The following UPK3B variants were observed in gnomAD, a reference collection of about 807,000 sequenced individuals.
The protein encoded by UPK3B is uroplakin 3B.
A neutral mutation model predicts 27.6 loss-of-function variants in UPK3B; 21 were observed. That is an observed-to-expected ratio of 0.76 (90% confidence interval 0.54 to 1.10). UPK3B has a LOEUF of 1.10. UPK3B is among the 50% of genes least tolerant of loss of function. The pLI is 0.00. For synonymous variants in UPK3B, 141 were observed against 162.3 expected, an observed-to-expected ratio of 0.87 and a Z score of 1.00; for missense variants, 306 against 376.1, an observed-to-expected ratio of 0.81 and a Z score of 1.54.
Position 76,513,185 on chromosome 7 carries a change from G to A in UPK3B, c.541+22G>A, listed in dbSNP as rs183051772. On this transcript the variant is annotated intron_variant, in intron 4 of 5. Coordinates refer to ENST00000334348, the MANE Select transcript of UPK3B (RefSeq NM_001347684.2). ...CAAGGTAGCGCTGGGCAGGAGGGGC[G>A]CTGCCCCCAGTGGACTCACGATCTC... 257 of 1,605,066 alleles carry A rather than the reference G, an allele frequency of 1.6e-4. 1 individual carries two copies. The African/African-American group carries it at 2.6e-3, about 17-fold the overall frequency.
rs1255079550 is a variant in UPK3B at position 76,510,602 on chromosome 7, G to T, written c.-51G>T. On this transcript the variant is annotated 5_prime_UTR_variant, in exon 1 of 6. Coordinates refer to ENST00000334348, the MANE Select transcript of UPK3B (RefSeq NM_001347684.2). ...GCCAAGCTGTTGGGGGTGAGGTGCA[G>T]CCCGAAGCAGCCAGACCAGCCCCTG... The T allele has an allele frequency of 7.1e-7, 1 of 1,405,156 alleles. No homozygotes were observed. The highest frequency in any genetic ancestry group is 9.3e-7 in the Non-Finnish European group (1 of 1,072,004). 87.0% of individuals were successfully genotyped at this position (1,405,156 alleles called of 1,614,324 possible).
intron 4 of UPK3B, among the ~76,000 whole-genome samples, chr7:76,513,533 AG>A (rs35172014): frequency 5.9e-5 from 9 of 151,918 alleles, no homozygotes; most frequent in Non-Finnish European, 1.3e-4. Flanking sequence ...GCAGACCCCA[AG>A]GGGCAAGCGT....
chr7:76,511,651 C>T lies in UPK3B; in HGVS notation c.236-6C>T, dbSNP rs772720268. 4.4e-6 allele frequency: 7 copies of T among 1,581,302 alleles called. No homozygotes were observed. Among genetic ancestry groups the T allele is most frequent in the Non-Finnish European group, 5.2e-6 (6 of 1,163,670 alleles). On this transcript the variant is annotated splice_region_variant and splice_polypyrimidine_tract_variant and intron_variant, in intron 2 of 5. Transcript: ENST00000334348. ...TCCCACCTCCATCTGTTCTCTCCTC[C>T]TGCAGCCTCCAGGGGCTTCCAGAAC...
chr7:76,515,041 C>G lies in UPK3B; in HGVS notation c.672-4C>G. 2.5e-6 allele frequency: 4 copies of G among 1,570,894 alleles called. No individual in the cohort carries two copies. Among genetic ancestry groups the G allele is most frequent in the Non-Finnish European group, 3.5e-6 (4 of 1,158,580 alleles). On this transcript the variant is annotated splice_region_variant and splice_polypyrimidine_tract_variant and intron_variant, in intron 5 of 5. Coordinates refer to ENST00000334348, the MANE Select transcript of UPK3B (RefSeq NM_001347684.2). Reference sequence around the variant, plus strand: ...TGTCTCTTCCTCCTCCTCTCCCCGCCCAGCTCCAGCCTGTGGTGGCCGGAG... The same window carrying G: ...TGTCTCTTCCTCCTCCTCTCCCCGCGCAGCTCCAGCCTGTGGTGGCCGGAG...
chr7:76,515,105 C>T lies in UPK3B; in HGVS notation c.732C>T (p.Gly244=), dbSNP rs754509656. The change falls in exon 6 of 6, where the codon GGC becomes GGT. Residue 244 remains glycine, a synonymous_variant. Transcript: ENST00000334348. ...PEQLRIGSFM[G]KRYMTHHIPP... ...AGCTGCGGATCGGCTCCTTCATGGGCAAGCGCTACATGACCCACCACATCC... is the reference window on the plus strand; with the variant it reads ...AGCTGCGGATCGGCTCCTTCATGGGTAAGCGCTACATGACCCACCACATCC... 1.7e-5 allele frequency: 27 copies of T among 1,601,346 alleles called. No homozygotes were observed. The highest frequency in any genetic ancestry group is 2.0e-5 in the Non-Finnish European group (24 of 1,175,232).
intron 3 of UPK3B, 134 bp from the exon 4 acceptor site, chr7:76,512,947 GGCT>G: frequency 2.9e-6 from 2 of 683,520 alleles, no homozygotes; most frequent in South Asian, 3.6e-5. Flanking sequence ...CCAGGCCATG[GGCT>G]GCTGCTCTTG....
chr7:76,513,057 T>G lies in UPK3B; in HGVS notation c.462-27T>G, dbSNP rs373067553. 8 of 1,598,718 alleles carry G rather than the reference T, an allele frequency of 5.0e-6. No individual in the cohort carries two copies. In the African/African-American group the frequency reaches 1.1e-4, roughly 21 times the overall value. ...GGTCCCAGCCTCTGAAGCTCTCCCC[T>G]CCTCCCCCACCACCTCCCATCCCCA... On this transcript the variant is annotated intron_variant, in intron 3 of 5. Transcript: ENST00000334348.
chr7:76,514,109 C>T (rs1468654614), intron 5 of UPK3B, 33 bp downstream of exon 5: 2 of 1,613,730 alleles, frequency 1.2e-6, no homozygotes, highest in Non-Finnish European at 1.7e-6. Context: ...GCCCCTCTCC[C>T]ACCCAGAACC....
At chr7:76,513,261 G>A (rs1812598799) in intron 4 of UPK3B, 98 bp downstream of exon 4, 5 of 1,195,438 alleles carry the variant, frequency 4.2e-6, no homozygotes, top group Non-Finnish European at 6.0e-6. Context: ...ACAGGGCTGG[G>A]GGCCTGGAGG....
chr7:76,513,818 G>T (rs144403053), intron 4 of UPK3B, 129 bp from the exon 5 acceptor site: 1 of 1,402,496 alleles, frequency 7.1e-7, no homozygotes, highest in Non-Finnish European at 9.8e-7. Context: ...GATCAGGGGG[G>T]CGCCTGGGGA....
chr7:76,512,700 T>C (rs1309888000), intron 3 of UPK3B, among the ~76,000 whole-genome samples: 1 of 130,836 alleles, frequency 7.6e-6, no homozygotes, highest in African/African-American at 2.6e-5. Flanking sequence ...CTGCTGGTGA[T>C]TGAGCCCCCT....
Position 76,510,661 on chromosome 7 carries a change from A to G in UPK3B, c.9A>G (p.Leu3=), listed in dbSNP as rs1812482861. ...GGGTGCTGGCAGCTGTCATGGGGCT[A>G]CCCTGGGGGCAGCCTCACCTAGGGC... MG[L]PWGQPHLGLQ... The change falls in exon 1 of 6, where the codon CTA becomes CTG. Residue 3 remains leucine, a synonymous_variant. Transcript: ENST00000334348. The G allele has an allele frequency of 6.7e-7, 1 of 1,488,574 alleles. No homozygotes were observed. The highest frequency in any genetic ancestry group is 9.0e-7 in the Non-Finnish European group (1 of 1,115,802). 92.2% of individuals were successfully genotyped at this position (1,488,574 alleles called of 1,614,324 possible).
At position 76,515,190 on chromosome 7, in the gene UPK3B, A is replaced by C. The variant is rs1279190957; in HGVS notation, c.817A>C (p.Ser273Arg). Residue 273 changes from serine (S) to arginine (R), a missense_variant, in exon 6 of 6, where the codon AGC becomes CGC. By Grantham distance (110) the Ser-to-Arg change is moderately radical. Around this residue, in one of 4 missense-constraint regions of UPK3B, gnomAD observed 174 missense variants for 166.6 expected, o/e 1.04. Transcript: ENST00000334348. Reference protein sequence around the residue: ...GCKPGLDPLPSLSP With the variant: ...GCKPGLDPLPRLSP ...CAAGCCTGGCCTGGACCCCCTCCCC[A>C]GCCTCAGCCCCTAGCCTGGCCTCTT... The C allele has an allele frequency of 1.3e-6, 2 of 1,593,528 alleles. No individual in the cohort carries two copies.
chr7:76,510,759 A>G, intron 1 of UPK3B, 22 bp downstream of exon 1: 1 of 1,546,876 alleles, frequency 6.5e-7, no homozygotes, highest in Non-Finnish European at 8.7e-7. Flanking sequence ...TCCTGGATGG[A>G]CGCGTCCAGC....
At chr7:76,511,470 A>T (rs1812528966) in intron 2 of UPK3B, 187 bp from the exon 3 acceptor site, 2 of 742,878 alleles carry the variant, frequency 2.7e-6, no homozygotes, top group South Asian at 3.8e-5. Flanking sequence ...GGTGGGGACA[A>T]AAGGCCAGAG....
intron 4 of UPK3B, 74 bp from the exon 5 acceptor site, chr7:76,513,873 G>A: frequency 6.2e-7 from 1 of 1,600,158 alleles, no homozygotes; most frequent in Non-Finnish European, 8.5e-7. Context: ...TGGGTGGGGA[G>A]GGAGCGAGGG....
intron 4 of UPK3B, 92 bp from the exon 5 acceptor site, chr7:76,513,855 G>C: frequency 6.3e-7 from 1 of 1,584,092 alleles, no homozygotes. Flanking sequence ...CTTGAAGCTA[G>C]GCCAGCGTGG....
At position 76,513,072 on chromosome 7, in the gene UPK3B, T is replaced by A. The variant is rs758103038; in HGVS notation, c.462-12T>A. The A allele has an allele frequency of 6.2e-7, 1 of 1,609,930 alleles. No homozygotes were observed. The highest frequency in any genetic ancestry group is 1.7e-5 in the Admixed American group (1 of 59,750). ...AGCTCTCCCCTCCTCCCCCACCACCTCCCATCCCCAGGGTGAAGTTCCTCC... is the reference window on the plus strand; with the variant it reads ...AGCTCTCCCCTCCTCCCCCACCACCACCCATCCCCAGGGTGAAGTTCCTCC... On this transcript the variant is annotated splice_polypyrimidine_tract_variant and intron_variant, in intron 3 of 5. Transcript: ENST00000334348.
rs1270132108 is a variant in UPK3B, at chr7:76,511,716, C to T, written c.295C>T (p.Leu99=). Residue 99 remains leucine, a synonymous_variant, in exon 3 of 6, where the codon CTG becomes TTG. Coordinates refer to ENST00000334348, the MANE Select transcript of UPK3B (RefSeq NM_001347684.2). ...LADIPASPQL[L]TDGHYMTLPL... is the part of the protein sequence containing the mutation. Reference sequence around the variant, plus strand: ...TGACATTCCGGCCTCCCCACAGCTGCTGACCGATGGCCACTACATGACGCT... The same window carrying T: ...TGACATTCCGGCCTCCCCACAGCTGTTGACCGATGGCCACTACATGACGCT... The T allele has an allele frequency of 6.2e-7, 1 of 1,611,018 alleles. No homozygotes were observed. The highest frequency in any genetic ancestry group is 2.2e-5 in the East Asian group (1 of 44,848).
Sources: gnomAD v4.1 joint callset for allele counts (sites outside exome capture counted in the v4.1 genomes callset) on GRCh38, gnomAD v4.1.1 for gene constraint, gnomAD v4.1.1 regional missense constraint, MANE v1.5 for transcripts, NCBI Gene and HGNC (gene_info 2026-07-23, HGNC 2026-07-21) for gene names.